ZNF804B: variants seen among roughly 807,000 people sequenced by gnomAD.
ZNF804B encodes the protein zinc finger protein 804B, also known as zinc finger 804B.
In ZNF804B, 80 loss-of-function variants were observed where a neutral mutation model predicts 101.4. The observed-to-expected ratio is 0.79, with a 90% CI of 0.66 to 0.95. ZNF804B has a LOEUF of 0.95. Among genes scored for constraint, ZNF804B ranks in the 40% least tolerant of loss-of-function variants. The pLI is 0.00. For synonymous variants in ZNF804B, 622 were observed against 558.8 expected (o/e 1.11, Z -1.59); for missense variants, 1,673 against 1,561.9 (o/e 1.07, Z -1.20).
At chr7:89,198,000 T>G (rs1788580582) in intron 1 of ZNF804B, among the ~76,000 whole-genome samples, 1 of 151,498 alleles carries the variant, frequency 6.6e-6, no homozygotes, top group Non-Finnish European at 1.5e-5. Flanking sequence ...TATTGATGAG[T>G]AGAACACTGA....
rs972653668 is a variant in ZNF804B at position 89,334,974 on chromosome 7, G to T, written c.1992G>T (p.Gly664=). 2 of 1,613,734 alleles carry T rather than the reference G, an allele frequency of 1.2e-6. No homozygotes were observed. Among genetic ancestry groups the T allele is most frequent in the African/African-American group, 2.7e-5 (2 of 74,884 alleles). Residue 664 remains glycine (G), a synonymous_variant, in exon 4 of 4, where the codon GGG becomes GGT. Coordinates refer to ENST00000333190, the MANE Select transcript of ZNF804B (RefSeq NM_181646.5). ...GCAAGTCCAGTCCTTGTACAGTAGGGGGTCACAGTGACCATGGGAAAGACT... is the reference window on the plus strand; with the variant it reads ...GCAAGTCCAGTCCTTGTACAGTAGGTGGTCACAGTGACCATGGGAAAGACT... ...FNCKSSPCTV[G]GHSDHGKDFS...
At chr7:88,796,688 G>T (rs907310708) in intron 1 of ZNF804B, among the ~76,000 whole-genome samples, 1 of 152,072 alleles carries the variant, frequency 6.6e-6, no homozygotes, top group Non-Finnish European at 1.5e-5. Flanking sequence ...TAGGCTCTGC[G>T]CTCATGATGT....
chr7:89,105,965 T>A (rs547053659), intron 1 of ZNF804B, among the ~76,000 whole-genome samples: 1 of 152,268 alleles, frequency 6.6e-6, no homozygotes, highest in Admixed American at 6.5e-5. Context: ...GATGAAGAGA[T>A]GCATAGGGTG....
chr7:89,140,911 T>A (rs1319886691), intron 1 of ZNF804B, among the ~76,000 whole-genome samples: 1 of 152,126 alleles, frequency 6.6e-6, no homozygotes, highest in Non-Finnish European at 1.5e-5. Context: ...GCTTTCAATA[T>A]GCCTTCTTCA....
intron 1 of ZNF804B, among the ~76,000 whole-genome samples, chr7:88,884,293 C>A (rs906243128): frequency 3.3e-5 from 5 of 151,636 alleles, no homozygotes; most frequent in Admixed American, 3.3e-4. Context: ...ATTTTAAATA[C>A]AGAGGATATT....
chr7:88,989,772 A>T (rs74789209), intron 1 of ZNF804B, among the ~76,000 whole-genome samples: 6 of 152,214 alleles, frequency 3.9e-5, no homozygotes, highest in Non-Finnish European at 8.8e-5. Flanking sequence ...ATGACATGGC[A>T]TCATGTATAT....
intron 1 of ZNF804B, among the ~76,000 whole-genome samples, chr7:89,082,878 G>T (rs1315979597): frequency 6.6e-6 from 1 of 151,588 alleles, no homozygotes; most frequent in South Asian, 2.1e-4. Context: ...GAGAATTTTT[G>T]TTTTTCTACT....
chr7:88,782,217 C>G (rs1790240158), intron 1 of ZNF804B, among the ~76,000 whole-genome samples: 1 of 151,676 alleles, frequency 6.6e-6, no homozygotes, highest in African/African-American at 2.4e-5. Context: ...CTGTATCTCA[C>G]TCAGGGAACT....
At chr7:88,849,337 T>C (rs1042471730) in intron 1 of ZNF804B, among the ~76,000 whole-genome samples, 4 of 151,956 alleles carry the variant, frequency 2.6e-5, no homozygotes, top group South Asian at 4.1e-4. Flanking sequence ...CTTATCTATT[T>C]AAAATAAAAT....
At chr7:88,979,286 C>T (rs1238622105) in intron 1 of ZNF804B, among the ~76,000 whole-genome samples, 2 of 151,964 alleles carry the variant, frequency 1.3e-5, no homozygotes, top group African/African-American at 4.8e-5. Context: ...TTTGTAACTT[C>T]AGATGATTTC....
intron 2 of ZNF804B, among the ~76,000 whole-genome samples, chr7:89,326,144 A>G (rs921792233): frequency 1.3e-5 from 2 of 151,960 alleles, no homozygotes; most frequent in Admixed American, 6.6e-5. Flanking sequence ...TTCTATTTTT[A>G]GAAGGATTTG....
At chr7:89,005,962 T>A (rs942071574) in intron 1 of ZNF804B, among the ~76,000 whole-genome samples, 7 of 152,118 alleles carry the variant, frequency 4.6e-5, no homozygotes, top group African/African-American at 1.7e-4. Flanking sequence ...CTAGATACTC[T>A]GGCTGGATGG....
chr7:89,136,736 A>AGTGT lies in ZNF804B; in HGVS notation c.109-81393_109-81390dup, dbSNP rs3059353. ...GCTGAATTATATTTGTGTGTGTGTG[A>AGTGT]GTGTGTGTGTGTGTGTGTGTGTGTG... On this transcript the variant is annotated intron_variant, in intron 1 of 3. Transcript: ENST00000333190. 6.5e-4 allele frequency among the ~76,000 whole-genome samples: 95 copies of AGTGT among 145,672 alleles called. 1 individual carries two copies. Among genetic ancestry groups the AGTGT allele is most frequent in the Non-Finnish European group, 1.1e-3 (73 of 65,584 alleles).
intron 2 of ZNF804B, among the ~76,000 whole-genome samples, chr7:89,276,048 C>T (rs1789975397): frequency 6.6e-6 from 1 of 151,846 alleles, no homozygotes; most frequent in African/African-American, 2.4e-5. Context: ...AGCCATTATC[C>T]TTAGCAAACT....
intron 2 of ZNF804B, among the ~76,000 whole-genome samples, chr7:89,251,643 A>G (rs1789542507): frequency 6.6e-6 from 1 of 152,072 alleles, no homozygotes; most frequent in Admixed American, 6.5e-5. Flanking sequence ...AGCTCTTCAA[A>G]CCATACCATA....
chr7:89,053,746 T>C (rs982899442), intron 1 of ZNF804B, among the ~76,000 whole-genome samples: 1 of 151,890 alleles, frequency 6.6e-6, no homozygotes, highest in African/African-American at 2.4e-5. Flanking sequence ...CTCTCTGGTT[T>C]AATATAATTG....
In ZNF804B at chr7:89,029,962, A is replaced by G. The variant is rs916982561; in HGVS notation, c.109-188193A>G. Among the ~76,000 whole-genome samples, 4 of 152,178 alleles carry G rather than the reference A, an allele frequency of 2.6e-5. No homozygotes were observed. In the South Asian group the frequency reaches 8.3e-4, roughly 32 times the overall value. On this transcript the variant is annotated intron_variant, in intron 1 of 3. Transcript: ENST00000333190. ...AAAAATCTGATATATAAAGAGTCTT[A>G]TTTTGGGAACAAAACAACTAAATAT... is the stretch of plus-strand genomic sequence containing the variant.
chr7:88,889,664 T>C lies in ZNF804B; in HGVS notation c.108+129580T>C, dbSNP rs78272539. The stretch of plus-strand genomic sequence containing the variant: ...TTGTTTTGTTTAAGTTCCTTGTAGA[T>C]TCTGGATATTAGACATATGCCACTT... On this transcript the variant is annotated intron_variant, in intron 1 of 3. Coordinates refer to ENST00000333190, the MANE Select transcript of ZNF804B (RefSeq NM_181646.5). Among the ~76,000 whole-genome samples the C allele has an allele frequency of 1.6e-4, 25 of 152,326 alleles. No individual in the cohort carries two copies. In the East Asian group the frequency reaches 2.1e-3, roughly 13 times the overall value.
chr7:88,923,280 T>C (rs764383782), intron 1 of ZNF804B, among the ~76,000 whole-genome samples: 78 of 152,214 alleles, frequency 5.1e-4, no homozygotes, highest in Non-Finnish European at 9.0e-4. Context: ...AACTCTCTGA[T>C]AATGATTTCT....
Sources: gnomAD v4.1 joint callset for allele counts (sites outside exome capture counted in the v4.1 genomes callset) on GRCh38, gnomAD v4.1.1 for gene constraint, MANE v1.5 for transcripts, NCBI Gene and HGNC (gene_info 2026-07-23, HGNC 2026-07-21) for gene names.